Variants in RAPGEF2 observed in about 807,000 individuals in gnomAD.
The protein encoded by RAPGEF2 is PDZ domain containing guanine nucleotide exchange factor (GEF) 1.
RAPGEF2 carries 54 observed loss-of-function variants against 186.7 expected under a neutral mutation model. The ratio of observed to expected loss-of-function variants is 0.29; its 90% CI spans 0.23 to 0.36. The LOEUF is 0.36. Ranked by LOEUF, RAPGEF2 falls within the 10% of genes least tolerant of loss-of-function variation. RAPGEF2 has a pLI of 1.00. For synonymous variants in RAPGEF2, 712 were observed against 705.9 expected, an observed-to-expected ratio of 1.01 and a Z score of -0.14; for missense variants, 1,532 against 2,045.0, an observed-to-expected ratio of 0.75 and a Z score of 4.84.
chr4:159,291,088 G>T (rs1235058054), intron 7 of RAPGEF2, among the ~76,000 whole-genome samples: 1 of 152,136 alleles, frequency 6.6e-6, no homozygotes, highest in Non-Finnish European at 1.5e-5. Context: ...CTTAAGAAGG[G>T]TAACATAATT....
Position 159,210,573 on chromosome 4 carries a change from C to T in RAPGEF2, c.271C>T (p.Pro91Ser), listed in dbSNP as rs1433138382. The change falls in exon 4 of 30, where the codon CCA (proline) becomes TCA (serine). Residue 91 changes from proline to serine, a missense_variant. Physicochemically the swap from Pro to Ser is moderately conservative, Grantham distance 74. This residue lies in a region of RAPGEF2 where 810 missense variants were observed against 1,210.5 expected (regional missense o/e 0.67). Transcript: ENST00000691494. ...GTTCATCAAGGAATCCATGTTTCTT[C>T]CAAGAAGCAGGTATTGTATAGACAT... ...SVFIKESMFL[P>S]RSSFGKRSAG... 2 of 1,527,912 alleles carry T rather than the reference C, an allele frequency of 1.3e-6. No individual in the cohort carries two copies. Among genetic ancestry groups the T allele is most frequent in the South Asian group, 2.4e-5 (2 of 83,862 alleles). 94.6% of individuals were successfully genotyped at this position (1,527,912 alleles called of 1,614,324 possible). A position where few individuals can be genotyped will look rare whatever the true frequency, so the allele number is the denominator to read the frequency against.
At chr4:159,258,246 G>A (rs1756412897) in intron 7 of RAPGEF2, among the ~76,000 whole-genome samples, 1 of 152,146 alleles carries the variant, frequency 6.6e-6, no homozygotes, top group Non-Finnish European at 1.5e-5. Flanking sequence ...GGAGAAATTA[G>A]GTGTGTGTTT....
chr4:159,115,125 A>G (rs1738903910), intron 1 of RAPGEF2, among the ~76,000 whole-genome samples: 1 of 152,166 alleles, frequency 6.6e-6, no homozygotes, highest in African/African-American at 2.4e-5. Flanking sequence ...GGATTAGCCA[A>G]CTATCTTTCC....
intron 8 of RAPGEF2, among the ~76,000 whole-genome samples, chr4:159,307,457 C>G (rs1763439405): frequency 6.6e-6 from 1 of 152,084 alleles, no homozygotes; most frequent in South Asian, 2.1e-4. Flanking sequence ...GAAGAGTTCC[C>G]TTGTGTAAAA....
chr4:159,159,610 T>A (rs1353522112), intron 1 of RAPGEF2, among the ~76,000 whole-genome samples: 5 of 152,174 alleles, frequency 3.3e-5, no homozygotes. Context: ...TTCCAAGAGG[T>A]CTCTTAAAAA....
intron 29 of RAPGEF2, 40 bp from the exon 30 acceptor site, chr4:159,358,073 CT>C (rs1191145187): frequency 6.3e-7 from 1 of 1,599,662 alleles, no homozygotes; most frequent in African/African-American, 1.3e-5. Flanking sequence ...AAATTACTTG[CT>C]TGCTCATTGA....
At chr4:159,249,198 A>G (rs1448531395) in intron 7 of RAPGEF2, among the ~76,000 whole-genome samples, 1 of 149,086 alleles carries the variant, frequency 6.7e-6, no homozygotes, top group Non-Finnish European at 1.5e-5. Context: ...GATGCTTTTC[A>G]TCTTCGACTG....
intron 24 of RAPGEF2, among the ~76,000 whole-genome samples, chr4:159,345,883 T>C (rs576427710): frequency 3.3e-5 from 5 of 152,228 alleles, no homozygotes; most frequent in Non-Finnish European, 7.4e-5. Context: ...GCATCTTGAC[T>C]TAAAAGACAA....
At chr4:159,189,530 G>C (rs1438969226) in intron 2 of RAPGEF2, among the ~76,000 whole-genome samples, 1 of 152,084 alleles carries the variant, frequency 6.6e-6, no homozygotes, top group Non-Finnish European at 1.5e-5. Flanking sequence ...AGAGTAATTG[G>C]GGCTATTCAG....
chr4:159,167,925 A>G (rs894988061), intron 1 of RAPGEF2, among the ~76,000 whole-genome samples: 1 of 152,182 alleles, frequency 6.6e-6, no homozygotes, highest in East Asian at 1.9e-4. Context: ...GTTGTCTTTG[A>G]TTTACTAACA....
At chr4:159,175,533 G>C (rs1306081974) in intron 1 of RAPGEF2, among the ~76,000 whole-genome samples, 1 of 152,178 alleles carries the variant, frequency 6.6e-6, no homozygotes, top group Non-Finnish European at 1.5e-5. Context: ...TTTAATAGGA[G>C]TGCTGATGGA....
intron 7 of RAPGEF2, among the ~76,000 whole-genome samples, chr4:159,248,515 A>G (rs1754923710): frequency 6.6e-6 from 1 of 152,150 alleles, no homozygotes; most frequent in Admixed American, 6.5e-5. Flanking sequence ...ATCCTGCAGA[A>G]AGCTCCCTGT....
chr4:159,327,153 A>T (rs951537823), intron 11 of RAPGEF2: 3 of 152,242 alleles, frequency 2.0e-5, no homozygotes, highest in African/African-American at 7.2e-5. Context: ...ATTTTATTTC[A>T]TTCATCATCT....
chr4:159,131,072 G>A (rs1034605762), intron 1 of RAPGEF2, among the ~76,000 whole-genome samples: 7 of 142,226 alleles, frequency 4.9e-5, no homozygotes, highest in Admixed American at 3.7e-4. Flanking sequence ...ACAGAGTTTC[G>A]CGTGTTGTTT....
chr4:159,108,568 C>T (rs1179103746), intron 1 of RAPGEF2, among the ~76,000 whole-genome samples: 3 of 151,798 alleles, frequency 2.0e-5, no homozygotes, highest in Non-Finnish European at 4.4e-5. Flanking sequence ...ATATTGTTTG[C>T]GTCATAAGAA....
At chr4:159,123,241 G>T (rs1739914787) in intron 1 of RAPGEF2, among the ~76,000 whole-genome samples, 1 of 152,226 alleles carries the variant, frequency 6.6e-6, no homozygotes, top group Non-Finnish European at 1.5e-5. Context: ...TCATAGGTCA[G>T]AAGTTACCTA....
At chr4:159,132,778 T>G (rs1741252347) in intron 1 of RAPGEF2, among the ~76,000 whole-genome samples, 1 of 151,748 alleles carries the variant, frequency 6.6e-6, no homozygotes, top group South Asian at 2.1e-4. Context: ...GTTATGTGCG[T>G]TTTAAGTGTA....
At chr4:159,237,881 G>GGT (rs1295936359) in intron 4 of RAPGEF2, among the ~76,000 whole-genome samples, 1 of 146,196 alleles carries the variant, frequency 6.8e-6, no homozygotes, top group Non-Finnish European at 1.5e-5. Flanking sequence ...AGCCAGGTAT[G>GGT]GTGGTACGCA....
At chr4:159,345,019 ACT>A in intron 23 of RAPGEF2, 85 bp from the exon 24 acceptor site, 1 of 1,058,760 alleles carries the variant, frequency 9.4e-7, no homozygotes, top group Non-Finnish European at 1.4e-6. Context: ...TTGAACATAG[ACT>A]ATTAATATCA....
Sources: gnomAD v4.1 joint callset for allele counts (sites outside exome capture counted in the v4.1 genomes callset) on GRCh38, gnomAD v4.1.1 for gene constraint, gnomAD v4.1.1 regional missense constraint, MANE v1.5 for transcripts, NCBI Gene and HGNC (gene_info 2026-07-23, HGNC 2026-07-21) for gene names.